EVA1C: variants seen among roughly 807,000 people sequenced by gnomAD.
The protein encoded by EVA1C is eva-1 homolog C.
In EVA1C, 25 loss-of-function variants were observed where a neutral mutation model predicts 45.4. The ratio of observed to expected loss-of-function variants is 0.55; its 90% CI spans 0.40 to 0.77. EVA1C has a LOEUF of 0.77. Among genes scored for constraint, EVA1C ranks in the 30% least tolerant of loss-of-function variants. EVA1C has a pLI of 0.00. For synonymous variants in EVA1C, 190 were observed against 221.2 expected, an observed-to-expected ratio of 0.86 and a Z score of 1.25; for missense variants, 479 against 554.8, an observed-to-expected ratio of 0.86 and a Z score of 1.37.
chr21:32,500,190 ATT>A (rs538897939), intron 5 of EVA1C, among the ~76,000 whole-genome samples: 3,487 of 90,922 alleles, frequency 0.038, 95 homozygotes, highest in African/African-American at 0.14. Context: ...TAACCACCCT[ATT>A]TTTTTTTTTT....
At chr21:32,507,120 G>A (rs2037747867) in intron 7 of EVA1C, among the ~76,000 whole-genome samples, 1 of 152,208 alleles carries the variant, frequency 6.6e-6, no homozygotes, top group East Asian at 1.9e-4. Flanking sequence ...CACAGAGGTT[G>A]GCAGAAGGGA....
intron 1 of EVA1C, among the ~76,000 whole-genome samples, chr21:32,439,300 G>C (rs1310253967): frequency 5.9e-5 from 9 of 151,634 alleles, no homozygotes; most frequent in African/African-American, 2.2e-4. Context: ...ATGAAGGGGA[G>C]TGAATAAAGG....
upstream of EVA1C, among the ~76,000 whole-genome samples, chr21:32,411,761 C>A (rs1249366737): frequency 6.6e-6 from 1 of 152,238 alleles, no homozygotes; most frequent in African/African-American, 2.4e-5. Flanking sequence ...TCCCTTCCGC[C>A]GGCCCCGCGC....
intron 5 of EVA1C, among the ~76,000 whole-genome samples, chr21:32,499,897 G>A (rs551980827): frequency 2.0e-5 from 3 of 152,226 alleles, no homozygotes; most frequent in Non-Finnish European, 4.4e-5. Context: ...GACATCCCAG[G>A]GCTTATTCTT....
intron 2 of EVA1C, among the ~76,000 whole-genome samples, chr21:32,454,032 C>T (rs759161606): frequency 6.6e-6 from 1 of 152,142 alleles, no homozygotes; most frequent in Non-Finnish European, 1.5e-5. Flanking sequence ...AGTTCAAGAC[C>T]AGCCTGGCCA....
intron 7 of EVA1C, among the ~76,000 whole-genome samples, chr21:32,514,184 A>G (rs2038061642): frequency 6.6e-6 from 1 of 152,166 alleles, no homozygotes; most frequent in Non-Finnish European, 1.5e-5. Flanking sequence ...GGGTCCTGGA[A>G]CCAGTCCCCC....
chr21:32,511,277 G>A (rs762100030), intron 7 of EVA1C, among the ~76,000 whole-genome samples: 1 of 151,648 alleles, frequency 6.6e-6, no homozygotes, highest in Non-Finnish European at 1.5e-5. Context: ...TAGCTGGTGT[G>A]ATGGCATGCA....
chr21:32,459,765 C>T (rs1292349179), intron 3 of EVA1C, among the ~76,000 whole-genome samples: 3 of 147,862 alleles, frequency 2.0e-5, no homozygotes, highest in Non-Finnish European at 4.4e-5. Flanking sequence ...CGTTTGAACC[C>T]AGGAGGCAGA....
chr21:32,499,699 T>C (rs561338962), intron 5 of EVA1C, among the ~76,000 whole-genome samples: 1 of 152,338 alleles, frequency 6.6e-6, no homozygotes, highest in African/African-American at 2.4e-5. Flanking sequence ...CCATTTCCTG[T>C]TGCTACTTCT....
chr21:32,434,030 T>G (rs77565212), intron 1 of EVA1C, among the ~76,000 whole-genome samples: 1 of 150,890 alleles, frequency 6.6e-6, no homozygotes, highest in African/African-American at 2.4e-5. Context: ...CGCAGTGGCT[T>G]ACACCTGAAA....
intron 7 of EVA1C, among the ~76,000 whole-genome samples, chr21:32,512,458 A>G (rs1350266402): frequency 6.6e-6 from 1 of 152,076 alleles, no homozygotes; most frequent in Non-Finnish European, 1.5e-5. Context: ...GACTTCCTTC[A>G]CTTATAGCTC....
chr21:32,467,879 G>C, intron 4 of EVA1C, 31 bp downstream of exon 4: 3 of 1,530,710 alleles, frequency 2.0e-6, no homozygotes, highest in Non-Finnish European at 2.6e-6. Flanking sequence ...ATTAGCCAGG[G>C]TTCTCTAGAG....
At chr21:32,497,366 G>T in intron 5 of EVA1C, 2 of 405,274 alleles carry the variant, frequency 4.9e-6, no homozygotes, top group Non-Finnish European at 9.0e-6. Flanking sequence ...GGGTTTCCTG[G>T]GGAAAACTTT....
At chr21:32,423,972 A>G (rs2034392675) in intron 1 of EVA1C, among the ~76,000 whole-genome samples, 1 of 152,206 alleles carries the variant, frequency 6.6e-6, no homozygotes, top group African/African-American at 2.4e-5. Flanking sequence ...CTCCAAAACA[A>G]ATCTTTAATT....
intron 4 of EVA1C, among the ~76,000 whole-genome samples, chr21:32,487,929 T>C (rs1429138708): frequency 6.6e-6 from 1 of 152,090 alleles, no homozygotes; most frequent in Non-Finnish European, 1.5e-5. Context: ...ACCCCTGATT[T>C]ATAGGTGGTC....
intron 1 of EVA1C, among the ~76,000 whole-genome samples, chr21:32,419,351 TCC>T (rs957937903): frequency 1.3e-5 from 2 of 152,196 alleles, no homozygotes; most frequent in Admixed American, 6.5e-5. Flanking sequence ...CGTACTGCTC[TCC>T]CCAGCTCCAC....
intron 1 of EVA1C, among the ~76,000 whole-genome samples, chr21:32,449,464 C>T (rs1294654383): frequency 6.6e-6 from 1 of 152,208 alleles, no homozygotes; most frequent in Non-Finnish European, 1.5e-5. Context: ...TGGAATCAGA[C>T]AGTACACAGC....
At chr21:32,458,442 G>A (rs1432186032) in intron 3 of EVA1C, among the ~76,000 whole-genome samples, 1 of 151,466 alleles carries the variant, frequency 6.6e-6, no homozygotes, top group Non-Finnish European at 1.5e-5. Flanking sequence ...GCAAAGAAAC[G>A]ATAGCAGTGT....
chr21:32,413,406 C>T (rs993427680), intron 1 of EVA1C, among the ~76,000 whole-genome samples: 1 of 152,230 alleles, frequency 6.6e-6, no homozygotes, highest in Non-Finnish European at 1.5e-5. Flanking sequence ...ACCCGCGTAG[C>T]CCGTTTGCCC....
Sources: allele counts gnomAD v4.1 joint callset (sites outside exome capture counted in the v4.1 genomes callset), GRCh38; gene constraint gnomAD v4.1.1; transcripts MANE v1.5; gene names NCBI Gene and HGNC (gene_info 2026-07-23, HGNC 2026-07-21).